RCAN2: variants seen among roughly 807,000 people sequenced by gnomAD.
The protein encoded by RCAN2 is calcipressin-2.
RCAN2 carries 9 observed loss-of-function variants against 23.6 expected under a neutral mutation model. The observed-to-expected ratio is 0.38, with a 90% confidence interval of 0.23 to 0.67. RCAN2 has a LOEUF of 0.67. RCAN2 is among the 30% of genes least tolerant of loss of function. The pLI is 0.51. For missense variants in RCAN2, 273 were observed against 302.3 expected (o/e 0.90, Z 0.72); for synonymous variants, 109 against 115.7 (o/e 0.94, Z 0.37).
chr6:46,283,841 A>C (rs1407142879), intron 2 of RCAN2, among the ~76,000 whole-genome samples: 1 of 152,242 alleles, frequency 6.6e-6, no homozygotes, highest in African/African-American at 2.4e-5. Context: ...TTTAAAATGA[A>C]GAGAAGCAAA....
chr6:46,402,478 A>C (rs1241523273), intron 2 of RCAN2, among the ~76,000 whole-genome samples: 1 of 152,158 alleles, frequency 6.6e-6, no homozygotes, highest in Non-Finnish European at 1.5e-5. Context: ...CCTTTTCCCC[A>C]AAGCCAGCCA....
At chr6:46,444,455 G>A (rs535510821) in intron 2 of RCAN2, among the ~76,000 whole-genome samples, 1 of 152,230 alleles carries the variant, frequency 6.6e-6, no homozygotes, top group African/African-American at 2.4e-5. Flanking sequence ...ATTTCCAAAA[G>A]ACATGAGCCC....
rs1268650579 is a variant in RCAN2 at position 46,409,000 on chromosome 6, A to T, written c.225+47752T>A. Among the ~76,000 whole-genome samples the T allele has an allele frequency of 3.9e-5, 6 of 152,192 alleles. No homozygotes were observed. The East Asian group carries it at 1.2e-3, about 29-fold the overall frequency. ...TTCATAGAGACATATCAAACTGCAA[A>T]AACCAAATGAAGATCATTTGCCACT... On this transcript the variant is annotated intron_variant, in intron 2 of 4. Transcript: ENST00000371374.
intron 2 of RCAN2, among the ~76,000 whole-genome samples, chr6:46,256,381 A>G (rs200347765): frequency 3.4e-4 from 11 of 32,082 alleles, no homozygotes; most frequent in Admixed American, 1.3e-3. Flanking sequence ...AAAAAGAAAA[A>G]TAAATAAAAT....
At chr6:46,300,012 T>C (rs1208482483) in intron 2 of RCAN2, among the ~76,000 whole-genome samples, 4 of 151,856 alleles carry the variant, frequency 2.6e-5, no homozygotes, top group African/African-American at 9.7e-5. Flanking sequence ...ATATATAGTA[T>C]GTATATTGTA....
chr6:46,331,865 G>A (rs1480921852), intron 2 of RCAN2, among the ~76,000 whole-genome samples: 2 of 152,084 alleles, frequency 1.3e-5, no homozygotes, highest in African/African-American at 2.4e-5. Flanking sequence ...TCTTACATTT[G>A]TATCCCTTTC....
intron 3 of RCAN2, 120 bp downstream of exon 3, chr6:46,248,603 C>T: frequency 2.6e-6 from 2 of 769,636 alleles, no homozygotes; most frequent in East Asian, 5.7e-5. Flanking sequence ...GTCTATTTCT[C>T]AGTGAATTAA....
rs556673826 is a variant in RCAN2 at position 46,275,097 on chromosome 6, T to C, written c.226-26201A>G. Among the ~76,000 whole-genome samples, 10 of 152,310 alleles carry C rather than the reference T, an allele frequency of 6.6e-5. No individual in the cohort carries two copies. The South Asian group carries it at 1.9e-3, about 28-fold the overall frequency. On this transcript the variant is annotated intron_variant, in intron 2 of 4. Coordinates refer to ENST00000371374, the MANE Select transcript of RCAN2 (RefSeq NM_001251974.2). ...CAATGTATAAGGGTTTCATTTTATT[T>C]ATTATTTATTTTTCGAGACAGGTCT... is the stretch of plus-strand genomic sequence containing the variant.
chr6:46,381,057 G>T (rs1561882363), intron 2 of RCAN2, among the ~76,000 whole-genome samples: 1 of 152,170 alleles, frequency 6.6e-6, no homozygotes, highest in Non-Finnish European at 1.5e-5. Flanking sequence ...GGGAGACCCA[G>T]AGTCATATTT....
chr6:46,490,003 T>C (rs905517480), intron 1 of RCAN2, among the ~76,000 whole-genome samples: 10 of 152,238 alleles, frequency 6.6e-5, no homozygotes, highest in African/African-American at 2.4e-4. Context: ...CTTTTGGGTA[T>C]TTCCAACTTC....
intron 2 of RCAN2, among the ~76,000 whole-genome samples, chr6:46,347,820 C>T (rs2150376544): frequency 6.6e-6 from 1 of 152,310 alleles, no homozygotes; most frequent in South Asian, 2.1e-4. Flanking sequence ...GGGGAAAGTT[C>T]AGCTTAAAGA....
chr6:46,288,601 G>A (rs1400756905), intron 2 of RCAN2, among the ~76,000 whole-genome samples: 1 of 152,222 alleles, frequency 6.6e-6, no homozygotes, highest in African/African-American at 2.4e-5. Context: ...CTGCATTTCT[G>A]AAGAAATAGA....
At chr6:46,449,743 T>C (rs149029006) in intron 2 of RCAN2, among the ~76,000 whole-genome samples, 2 of 151,816 alleles carry the variant, frequency 1.3e-5, no homozygotes, top group African/African-American at 4.8e-5. Context: ...TCTTTAATAA[T>C]AATAATGTTG....
intron 2 of RCAN2, among the ~76,000 whole-genome samples, chr6:46,318,686 G>GA (rs1210359441): frequency 2.6e-5 from 4 of 151,786 alleles, no homozygotes; most frequent in African/African-American, 7.2e-5. Flanking sequence ...AGAGGATCCA[G>GA]AAAAAACCTT....
chr6:46,361,056 G>A (rs1038705515), intron 2 of RCAN2, among the ~76,000 whole-genome samples: 2 of 116,658 alleles, frequency 1.7e-5, no homozygotes, highest in Admixed American at 8.8e-5. Flanking sequence ...ATCACAAAGT[G>A]GTTTAAGGCT....
chr6:46,292,438 G>GGT (rs1762595692), intron 2 of RCAN2, among the ~76,000 whole-genome samples: 1 of 134,024 alleles, frequency 7.5e-6, no homozygotes, highest in Non-Finnish European at 1.6e-5. Flanking sequence ...TTTTTTTTTT[G>GGT]TTTTTTTTTT....
intron 4 of RCAN2, among the ~76,000 whole-genome samples, chr6:46,228,419 T>TG (rs1439676079): frequency 3.9e-5 from 6 of 152,070 alleles, no homozygotes; most frequent in Admixed American, 2.0e-4. Context: ...TAAGTCTCTT[T>TG]TAGGTCTGTA....
intron 4 of RCAN2, among the ~76,000 whole-genome samples, chr6:46,239,462 C>T (rs531085676): frequency 2.4e-4 from 37 of 152,300 alleles, no homozygotes; most frequent in African/African-American, 7.9e-4. Flanking sequence ...CCAGCGTAAC[C>T]GCCTTACTAC....
chr6:46,300,781 C>T (rs533342393), intron 2 of RCAN2, among the ~76,000 whole-genome samples: 28 of 151,972 alleles, frequency 1.8e-4, no homozygotes, highest in African/African-American at 6.8e-4. Flanking sequence ...ACATTCTTTG[C>T]TATTAAATGA....
Sources: allele counts gnomAD v4.1 joint callset (sites outside exome capture counted in the v4.1 genomes callset), GRCh38; gene constraint gnomAD v4.1.1; transcripts MANE v1.5; gene names NCBI Gene and HGNC (gene_info 2026-07-23, HGNC 2026-07-21).